MAMLD1: variants seen among roughly 807,000 people sequenced by gnomAD.
MAMLD1 encodes mastermind-like domain-containing protein 1.
Under a neutral mutation model 45.0 loss-of-function variants are expected in MAMLD1, and 14 were observed. The ratio of observed to expected loss-of-function variants is 0.31; its 90% CI spans 0.21 to 0.49. The LOEUF (loss-of-function observed/expected upper bound fraction) is 0.49, where lower values mean the gene tolerates loss of function less well. Among genes scored for constraint, MAMLD1 ranks in the 20% least tolerant of loss-of-function variants. The pLI is 0.99. For missense variants in MAMLD1, 543 were observed against 603.6 expected (o/e 0.90, Z 1.05); for synonymous variants, 254 against 247.8 (o/e 1.02, Z -0.24).
At chrX:150,365,490 C>T (rs782535091) in intron 1 of MAMLD1, among the ~76,000 whole-genome samples, 1 of 113,171 alleles carries the variant, frequency 8.8e-6, no homozygotes, top group Non-Finnish European at 1.9e-5. Context: ...CGCGACTCGC[C>T]GATGCGCTCG....
chrX:150,443,487 C>T (rs950331228), intron 1 of MAMLD1, among the ~76,000 whole-genome samples: 17 of 104,675 alleles, frequency 1.6e-4, no homozygotes, highest in Non-Finnish European at 3.1e-4. Flanking sequence ...ATACATGTGC[C>T]ATGCTGGTGT....
At chrX:150,490,292 A>G (rs899719992) in intron 5 of MAMLD1, among the ~76,000 whole-genome samples, 1 of 112,286 alleles carries the variant, frequency 8.9e-6, no homozygotes, top group South Asian at 3.7e-4. Context: ...TAACAAAGCC[A>G]AGGCTGGCTT....
chrX:150,427,269 G>T (rs144728398), intron 1 of MAMLD1, among the ~76,000 whole-genome samples: 1 of 112,147 alleles, frequency 8.9e-6, no homozygotes, highest in African/African-American at 3.2e-5. Context: ...TTAATTTGGA[G>T]GACATAATTC....
chrX:150,478,475 A>G (rs1239060671), intron 5 of MAMLD1, among the ~76,000 whole-genome samples: 1 of 112,462 alleles, frequency 8.9e-6, no homozygotes, highest in Admixed American at 9.4e-5. Context: ...TTTGAGAGTA[A>G]GGCTTGCGGG....
chrX:150,508,984 A>G (rs2037822031), intron 6 of MAMLD1, among the ~76,000 whole-genome samples: 1 of 111,379 alleles, frequency 9.0e-6, no homozygotes, highest in African/African-American at 3.3e-5. Context: ...GTCTCAGAGC[A>G]AGTCATGCCT....
intron 1 of MAMLD1, among the ~76,000 whole-genome samples, chrX:150,396,487 T>C (rs1324056853): frequency 9.0e-6 from 1 of 111,500 alleles, no homozygotes; most frequent in Non-Finnish European, 1.9e-5. Context: ...TTTGGCGTTT[T>C]CCCATTATCT....
intron 5 of MAMLD1, among the ~76,000 whole-genome samples, chrX:150,484,941 C>T (rs1234504041): frequency 9.0e-6 from 1 of 111,627 alleles, no homozygotes; most frequent in African/African-American, 3.3e-5. Flanking sequence ...TTCCCACTAA[C>T]TCTCCCTCCT....
chrX:150,449,946 C>T (rs944589678), intron 2 of MAMLD1, among the ~76,000 whole-genome samples: 2 of 111,773 alleles, frequency 1.8e-5, no homozygotes, highest in Admixed American at 9.4e-5. Flanking sequence ...TTCCACTTCC[C>T]CAGGGTGGAG....
intron 2 of MAMLD1, among the ~76,000 whole-genome samples, chrX:150,459,676 G>A (rs782478363): frequency 9.1e-6 from 1 of 110,455 alleles, no homozygotes; most frequent in Admixed American, 9.7e-5. Flanking sequence ...GGAACATTAA[G>A]GTAAAGCCTA....
At chrX:150,373,489 CAG>C (rs1557401246) in intron 1 of MAMLD1, among the ~76,000 whole-genome samples, 2 of 107,049 alleles carry the variant, frequency 1.9e-5, no homozygotes, top group Non-Finnish European at 2.0e-5. Context: ...CACACACACA[CAG>C]GTACACACAC....
intron 2 of MAMLD1, among the ~76,000 whole-genome samples, chrX:150,454,687 G>A (rs1382677547): frequency 9.0e-6 from 1 of 110,821 alleles, no homozygotes; most frequent in Non-Finnish European, 1.9e-5. Flanking sequence ...TATACTGTGG[G>A]AACTCACCCT....
intron 6 of MAMLD1, 42 bp downstream of exon 6, chrX:150,503,559 A>G (rs1016097849): frequency 8.5e-6 from 7 of 825,132 alleles, no homozygotes; most frequent in Middle Eastern, 3.4e-4. Context: ...TCATCTGTCA[A>G]CGGGGCACAG....
chrX:150,459,181 C>T (rs1423386972), intron 2 of MAMLD1, among the ~76,000 whole-genome samples: 1 of 111,347 alleles, frequency 9.0e-6, no homozygotes, highest in African/African-American at 3.3e-5. Flanking sequence ...GCAGGGGTGT[C>T]TCCTGACTGC....
intron 2 of MAMLD1, among the ~76,000 whole-genome samples, chrX:150,458,046 G>C (rs782731096): frequency 2.7e-5 from 3 of 111,405 alleles, no homozygotes; most frequent in Non-Finnish European, 5.7e-5. Context: ...CTGATGCCAA[G>C]ACTCTCATGG....
intron 5 of MAMLD1, among the ~76,000 whole-genome samples, chrX:150,497,193 T>G (rs2037405690): frequency 8.9e-6 from 1 of 111,902 alleles, no homozygotes; most frequent in Admixed American, 9.4e-5. Flanking sequence ...AATGCAAATT[T>G]ACAGAACAGA....
rs186080991 is a variant in MAMLD1, at chrX:150,388,367, G to A, written c.-64+24837G>A. ...CAGGGTAATACTAACTTCATAAAAT[G>A]GATTGGGAAGTAAGTATTCCCTGCT... is the stretch of plus-strand genomic sequence containing the variant. On this transcript the variant is annotated intron_variant, in intron 1 of 7. Transcript: ENST00000370401. Among the ~76,000 whole-genome samples, 386 of 111,425 alleles carry A rather than the reference G, an allele frequency of 3.5e-3. 3 individuals are homozygous for A. Among genetic ancestry groups the A allele is most frequent in the African/African-American group, 0.012 (373 of 30,752 alleles).
chrX:150,448,887 A>G (rs1364755172), intron 2 of MAMLD1, among the ~76,000 whole-genome samples: 3 of 111,807 alleles, frequency 2.7e-5, no homozygotes, highest in African/African-American at 9.8e-5. Context: ...ATACCCCACC[A>G]TAAGTGGCAA....
intron 1 of MAMLD1, among the ~76,000 whole-genome samples, chrX:150,398,505 G>A (rs1298831918): frequency 1.8e-5 from 2 of 111,168 alleles, no homozygotes; most frequent in Admixed American, 9.5e-5. Context: ...GGGGGTTGCA[G>A]GGAACTGGGA....
intron 1 of MAMLD1, among the ~76,000 whole-genome samples, chrX:150,417,557 C>T (rs113162639): frequency 9.1e-6 from 1 of 110,035 alleles, no homozygotes; most frequent in Non-Finnish European, 1.9e-5. Context: ...ATGGTATTTC[C>T]AGTTCTAGAT....
Sources: gnomAD v4.1 joint callset for allele counts (sites outside exome capture counted in the v4.1 genomes callset) on GRCh38, gnomAD v4.1.1 for gene constraint, MANE v1.5 for transcripts, NCBI Gene and HGNC (gene_info 2026-07-23, HGNC 2026-07-21) for gene names.